The following SEC14L1 variants were observed in gnomAD, a reference collection of about 807,000 sequenced individuals.
SEC14L1 encodes SEC14 like lipid binding 1, also known as SEC14-like protein 1.
A neutral mutation model predicts 85.3 loss-of-function variants in SEC14L1; 48 were observed. That is an observed-to-expected ratio of 0.56 (90% CI 0.45 to 0.72). The LOEUF (loss-of-function observed/expected upper bound fraction) is 0.72. SEC14L1 is among the 30% of genes least tolerant of loss of function. The probability of loss-of-function intolerance (pLI) is 0.00; values close to 1 mark genes in which losing one functional copy is unlikely to be tolerated. For synonymous variants in SEC14L1, 391 were observed against 355.5 expected, an observed-to-expected ratio of 1.10 and a Z score of -1.12; for missense variants, 682 against 921.4, an observed-to-expected ratio of 0.74 and a Z score of 3.36.
intron 3 of SEC14L1, among the ~76,000 whole-genome samples, chr17:77,104,643 T>A (rs897859969): frequency 2.7e-5 from 4 of 150,556 alleles, no homozygotes; most frequent in Admixed American, 6.6e-5. Flanking sequence ...ATACAAAAAT[T>A]AGCTGGGCCT....
chr17:77,134,302 T>A (rs1364855197), intron 3 of SEC14L1, among the ~76,000 whole-genome samples: 2 of 151,550 alleles, frequency 1.3e-5, no homozygotes, highest in African/African-American at 2.4e-5. Flanking sequence ...GAGGCTGTAG[T>A]GCAGTGCTGC....
chr17:77,139,865 C>A (rs565606202), upstream of SEC14L1, among the ~76,000 whole-genome samples: 1 of 152,046 alleles, frequency 6.6e-6, no homozygotes, highest in Non-Finnish European at 1.5e-5. Context: ...TGTAGGTGAC[C>A]CAGCTGGAAG....
chr17:77,197,741 T>A (rs1975889423), intron 8 of SEC14L1, among the ~76,000 whole-genome samples: 1 of 152,050 alleles, frequency 6.6e-6, no homozygotes, highest in Admixed American at 6.6e-5. Flanking sequence ...TCCTGAGAGC[T>A]GGGGTTAGCT....
chr17:77,194,121 C>A (rs1975679759), intron 6 of SEC14L1, among the ~76,000 whole-genome samples: 1 of 152,106 alleles, frequency 6.6e-6, no homozygotes, highest in Non-Finnish European at 1.5e-5. Context: ...TTAAAATAGT[C>A]ATATAAAAAT....
At chr17:77,148,159 A>G (rs1430565027) in intron 3 of SEC14L1, among the ~76,000 whole-genome samples, 5 of 152,148 alleles carry the variant, frequency 3.3e-5, no homozygotes, top group African/African-American at 9.7e-5. Context: ...GTTCCTTAAT[A>G]AAGGCTTCAA....
At chr17:77,146,103 A>T (rs553121288) in intron 3 of SEC14L1, among the ~76,000 whole-genome samples, 15 of 152,116 alleles carry the variant, frequency 9.9e-5, no homozygotes, top group African/African-American at 3.6e-4. Context: ...GGGTTTGAGG[A>T]TATTGGCTAG....
chr17:77,165,183 A>T (rs780883676), intron 3 of SEC14L1, among the ~76,000 whole-genome samples: 1 of 152,196 alleles, frequency 6.6e-6, no homozygotes, highest in Non-Finnish European at 1.5e-5. Context: ...TAGCTAATCA[A>T]TGAATTAGAT....
Position 77,196,155 on chromosome 17 carries a change from A to G in SEC14L1, c.710-47A>G, listed in dbSNP as rs73998647. ...CTGAGCACAAAGACTTTGGGAGCCTAAAGCTCCAGTGTTCTTTGTTGTAAA... is the reference window on the plus strand; with the variant it reads ...CTGAGCACAAAGACTTTGGGAGCCTGAAGCTCCAGTGTTCTTTGTTGTAAA... On this transcript the variant is annotated intron_variant, in intron 7 of 16. Coordinates refer to ENST00000436233, the MANE Select transcript of SEC14L1 (RefSeq NM_001143998.2). 4,783 of 1,446,896 alleles carry G rather than the reference A, an allele frequency of 3.3e-3. 139 individuals are homozygous for G. The African/African-American group carries it at 0.058, about 18-fold the overall frequency. The allele number at this position is 1,446,896 out of a possible 1,614,324, so 89.6% of individuals were successfully genotyped here. A position where few individuals can be genotyped will look rare whatever the true frequency, so the allele number is the denominator to read the frequency against.
intron 8 of SEC14L1, among the ~76,000 whole-genome samples, chr17:77,197,161 C>T (rs556470345): frequency 7.9e-5 from 12 of 152,362 alleles, no homozygotes; most frequent in South Asian, 2.1e-4. Context: ...GATGATGCCA[C>T]GTCAGTAGGC....
intron 3 of SEC14L1, among the ~76,000 whole-genome samples, chr17:77,145,629 T>C (rs533123009): frequency 6.6e-6 from 1 of 152,340 alleles, no homozygotes; most frequent in African/African-American, 2.4e-5. Context: ...TTTTGGCTTT[T>C]GGTTGTATGA....
At chr17:77,133,448 G>T (rs539948060) in intron 3 of SEC14L1, among the ~76,000 whole-genome samples, 20 of 152,330 alleles carry the variant, frequency 1.3e-4, no homozygotes, top group African/African-American at 4.8e-4. Context: ...AGGCGGCCAA[G>T]TGGAACGGCA....
chr17:77,167,017 G>A (rs1357434101), intron 3 of SEC14L1, among the ~76,000 whole-genome samples: 1 of 152,174 alleles, frequency 6.6e-6, no homozygotes, highest in South Asian at 2.1e-4. Flanking sequence ...TAGGACCCTT[G>A]TCTTGTGTTC....
At chr17:77,185,600 A>G (rs1975231800) in intron 3 of SEC14L1, among the ~76,000 whole-genome samples, 1 of 152,196 alleles carries the variant, frequency 6.6e-6, no homozygotes, top group Non-Finnish European at 1.5e-5. Flanking sequence ...ACTCTGCCCT[A>G]TATGTCACTT....
intron 3 of SEC14L1, among the ~76,000 whole-genome samples, chr17:77,123,936 TA>T (rs1972369849): frequency 6.6e-6 from 1 of 152,226 alleles, no homozygotes; most frequent in Non-Finnish European, 1.5e-5. Flanking sequence ...TTCATTGATA[TA>T]AAAACATTTA....
chr17:77,187,374 C>A (rs896587480), intron 3 of SEC14L1, among the ~76,000 whole-genome samples: 2 of 151,924 alleles, frequency 1.3e-5, no homozygotes, highest in Admixed American at 6.6e-5. Flanking sequence ...CCCTATGCCC[C>A]CCCCCCACAC....
chr17:77,171,696 AG>A (rs1210139864), intron 3 of SEC14L1, among the ~76,000 whole-genome samples: 1 of 152,238 alleles, frequency 6.6e-6, no homozygotes, highest in African/African-American at 2.4e-5. Context: ...AGAAATTTTA[AG>A]GCTTGATTTA....
At chr17:77,161,823 G>A (rs1974071810) in intron 3 of SEC14L1, among the ~76,000 whole-genome samples, 1 of 147,760 alleles carries the variant, frequency 6.8e-6, no homozygotes, top group African/African-American at 2.5e-5. Flanking sequence ...GTTGGCTCAA[G>A]TACTATATTT....
At chr17:77,162,537 A>C (rs979493476) in intron 3 of SEC14L1, among the ~76,000 whole-genome samples, 1 of 152,180 alleles carries the variant, frequency 6.6e-6, no homozygotes, top group African/African-American at 2.4e-5. Context: ...GAAAGGTTAA[A>C]AAAATGTGTT....
intron 3 of SEC14L1, among the ~76,000 whole-genome samples, chr17:77,108,933 C>T (rs893175823): frequency 1.3e-5 from 2 of 151,692 alleles, no homozygotes; most frequent in African/African-American, 4.8e-5. Context: ...AGCGAGTCTT[C>T]TGGCTCAGCC....
Sources: gnomAD v4.1 joint callset for allele counts (sites outside exome capture counted in the v4.1 genomes callset) on GRCh38, gnomAD v4.1.1 for gene constraint, MANE v1.5 for transcripts, NCBI Gene and HGNC (gene_info 2026-07-23, HGNC 2026-07-21) for gene names.